The following ZBTB47 variants were observed in gnomAD, a reference collection of about 807,000 sequenced individuals.
The protein encoded by ZBTB47 is zinc finger and BTB domain-containing protein 47.
ZBTB47 carries 24 observed loss-of-function variants against 56.6 expected under a neutral mutation model. The ratio of observed to expected loss-of-function variants is 0.42; its 90% CI spans 0.31 to 0.60. ZBTB47 has a LOEUF of 0.60. ZBTB47 is among the 20% of genes least tolerant of loss of function. The pLI is 0.14. For missense variants in ZBTB47, 829 were observed against 1,032.6 expected (o/e 0.80, Z 2.70); for synonymous variants, 414 against 418.9 (o/e 0.99, Z 0.14).
At chr3:42,661,720 G>A in intron 3 of ZBTB47, 88 bp downstream of exon 3, 3 of 1,529,216 alleles carry the variant, frequency 2.0e-6, no homozygotes, top group Non-Finnish European at 2.7e-6. Flanking sequence ...ACATCCAAGG[G>A]CAATGTGAAG....
Position 42,663,081 on chromosome 3 carries a change from A to T in ZBTB47, c.1691A>T (p.Lys564Met). ...GKSFKRSMSL[K>M]VHSLQHSGEK... ...TCCTTCAAGCGCAGCATGTCCCTCA[A>T]GGTGCACTCACTGCAGCACTCAGGG... Residue 564 changes from lysine (K) to methionine (M), a missense_variant, in exon 4 of 6, where the codon AAG becomes ATG. Lys to Met is a moderately conservative substitution (Grantham distance 95). Transcript: ENST00000232974. The surrounding 1 kb of genome is among the most constrained non-coding windows in gnomAD (Gnocchi z 5.1). 1 of 1,613,912 alleles carries T rather than the reference A, an allele frequency of 6.2e-7. No homozygotes were observed.
Position 42,666,909 on chromosome 3 carries a change from C to A in ZBTB47, c.*2311C>A, listed in dbSNP as rs1710795216. Among the ~76,000 whole-genome samples the A allele has an allele frequency of 1.3e-5, 2 of 152,210 alleles. No homozygotes were observed. The highest frequency in any genetic ancestry group is 4.1e-4 in the South Asian group (2 of 4,832). ...CACAACCAACCCCTCTCCTGGGAGG[C>A]CCCTGCCCCACTGGGGATAGGAGCC... On this transcript the variant is annotated 3_prime_UTR_variant, in exon 6 of 6. Coordinates refer to ENST00000232974, the MANE Select transcript of ZBTB47 (RefSeq NM_145166.4).
intron 1 of ZBTB47, among the ~76,000 whole-genome samples, chr3:42,655,350 T>A (rs140136709): frequency 6.6e-6 from 1 of 152,070 alleles, no homozygotes. Context: ...TCCCCAGGTT[T>A]CATCATGGGG....
In ZBTB47 at chr3:42,667,103, C is replaced by CA. The variant is rs901901362; in HGVS notation, c.*2512dup. Reference sequence around the variant, plus strand: ...TCTTTTTATTTAAAACAAAACAACACAAAAAAACAATGTGCCCCCAGATGT... The same window carrying CA: ...TCTTTTTATTTAAAACAAAACAACACAAAAAAAACAATGTGCCCCCAGATGT... On this transcript the variant is annotated 3_prime_UTR_variant, in exon 6 of 6. Transcript: ENST00000232974. 7.2e-5 allele frequency among the ~76,000 whole-genome samples: 11 copies of CA among 152,148 alleles called. No individual in the cohort carries two copies. Among genetic ancestry groups the CA allele is most frequent in the Non-Finnish European group, 1.3e-4 (9 of 68,012 alleles).
Position 42,659,054 on chromosome 3 carries a change from G to A in ZBTB47, c.699G>A (p.Gln233=), listed in dbSNP as rs114198569. 2,023 of 1,523,074 alleles carry A rather than the reference G, an allele frequency of 1.3e-3. 24 individuals are homozygous for A. The African/African-American group carries it at 0.024, about 18-fold the overall frequency. The allele number at this position is 1,523,074 out of a possible 1,614,324, so 94.3% of individuals were successfully genotyped here. Residue 233 remains glutamine (Q), a synonymous_variant, in exon 2 of 6, where the codon CAG becomes CAA. Coordinates refer to ENST00000232974, the MANE Select transcript of ZBTB47 (RefSeq NM_145166.4). ...CCTACAGCCGCAGGGAGCAATCCCA[G>A]ATCATCGTGGAGGTGAACCTCAACA... The part of the protein sequence containing the change: ...SGTYSRREQS[Q]IIVEVNLNNQ...
chr3:42,664,428 G>C lies in ZBTB47; in HGVS notation c.2074G>C (p.Asp692His). 6.5e-7 allele frequency: 1 copy of C among 1,546,840 alleles called. No homozygotes were observed. The highest frequency in any genetic ancestry group is 8.7e-7 in the Non-Finnish European group (1 of 1,148,802). Residue 692 changes from aspartate (D) to histidine (H), a missense_variant, in exon 6 of 6, where the codon GAC (aspartate) becomes CAC (histidine). Coordinates refer to ENST00000232974, the MANE Select transcript of ZBTB47 (RefSeq NM_145166.4). Reference sequence around the variant, plus strand: ...CCGCGTCAGCCACACCCTGGCCGGCGACGGCGTCCCCGCTGCCCCAGGCCT... The same window carrying C: ...CCGCGTCAGCCACACCCTGGCCGGCCACGGCGTCCCCGCTGCCCCAGGCCT... ...CFRVSHTLAG[D>H]GVPAAPGLPP...
At chr3:42,658,221 G>A in intron 1 of ZBTB47, 54 bp from the exon 2 acceptor site, 1 of 1,431,524 alleles carries the variant, frequency 7.0e-7, no homozygotes, top group Non-Finnish European at 9.1e-7. Context: ...CTGGGGGAAG[G>A]GCGGGCAGGG....
chr3:42,658,369 A>AT lies in ZBTB47; in HGVS notation c.14_15insT (p.Glu6ArgfsTer8), dbSNP rs1710663516. On this transcript the variant is annotated frameshift_variant, in exon 2 of 6. Coordinates refer to ENST00000232974, the MANE Select transcript of ZBTB47 (RefSeq NM_145166.4). LOFTEE classifies it high-confidence loss of function. ...TTTGCCTGCTTGATGGGCCGCCTGA[A>AT]CGAGCAGCGCCTCTTCCAGCCTGAC... 1 of 1,533,936 alleles carries AT rather than the reference A, an allele frequency of 6.5e-7. No homozygotes were observed. Among genetic ancestry groups the AT allele is most frequent in the Admixed American group, 2.0e-5 (1 of 50,908 alleles).
rs1710616860 is a variant in ZBTB47 at position 42,654,773 on chromosome 3, C to T, written c.-82+890C>T. ...ACCTCCCAGGCACACGGCCCGCGGG[C>T]CCGGGTGGAGGGGCTGGAGGGATCT... On this transcript the variant is annotated intron_variant, in intron 1 of 5. Transcript: ENST00000232974. This position sits in a 1 kb window ranked among gnomAD's most constrained non-coding sequence, Gnocchi z 5.0. 2.1e-6 allele frequency: 2 copies of T among 953,850 alleles called. No individual in the cohort carries two copies. Among genetic ancestry groups the T allele is most frequent in the Non-Finnish European group, 2.5e-6 (2 of 801,122 alleles). The allele number at this position is 953,850 out of a possible 1,614,324, so 59.1% of individuals were successfully genotyped here.
rs982393585 is a variant in ZBTB47 at position 42,667,513 on chromosome 3, C to G, written c.*2915C>G. ...GCTCGTGTACAGGCACCCCACAGCCCCAGAGCATGGGGCACAGCAGGCATG... is the reference window on the plus strand; with the variant it reads ...GCTCGTGTACAGGCACCCCACAGCCGCAGAGCATGGGGCACAGCAGGCATG... On this transcript the variant is annotated 3_prime_UTR_variant, in exon 6 of 6. Coordinates refer to ENST00000232974, the MANE Select transcript of ZBTB47 (RefSeq NM_145166.4). Among the ~76,000 whole-genome samples, 3 of 152,210 alleles carry G rather than the reference C, an allele frequency of 2.0e-5. No individual in the cohort carries two copies. The highest frequency in any genetic ancestry group is 4.8e-5 in the African/African-American group (2 of 41,454).
At chr3:42,659,961 A>G (rs1459745372) in intron 2 of ZBTB47, 133 bp downstream of exon 2, 19 of 1,329,482 alleles carry the variant, frequency 1.4e-5, no homozygotes, top group Non-Finnish European at 3.0e-6. Context: ...TAGCCCCCAG[A>G]CAGGCTGGCC....
rs1387272547 is a variant in ZBTB47 at position 42,664,439 on chromosome 3, C to T, written c.2085C>T (p.Pro695=). The T allele has an allele frequency of 2.4e-5, 37 of 1,534,088 alleles. No individual in the cohort carries two copies. In the Admixed American group the frequency reaches 7.1e-4, roughly 29 times the overall value. Residue 695 remains proline, a synonymous_variant, in exon 6 of 6, where the codon CCC becomes CCT. Coordinates refer to ENST00000232974, the MANE Select transcript of ZBTB47 (RefSeq NM_145166.4). ...ACACCCTGGCCGGCGACGGCGTCCC[C>T]GCTGCCCCAGGCCTGCCCCCAACCC... ...VSHTLAGDGV[P]AAPGLPPTQP...
intron 1 of ZBTB47, among the ~76,000 whole-genome samples, chr3:42,658,056 A>C (rs1176979532): frequency 6.6e-6 from 1 of 152,166 alleles, no homozygotes; most frequent in Non-Finnish European, 1.5e-5. Context: ...ACAGGACCTG[A>C]TCTTCAGCCT....
Position 42,666,357 on chromosome 3 carries a change from G to C in ZBTB47, c.*1759G>C, listed in dbSNP as rs1710788810. Among the ~76,000 whole-genome samples, 1 of 152,130 alleles carries C rather than the reference G, an allele frequency of 6.6e-6. No individual in the cohort carries two copies. The highest frequency in any genetic ancestry group is 1.5e-5 in the Non-Finnish European group (1 of 68,038). On this transcript the variant is annotated 3_prime_UTR_variant, in exon 6 of 6. Coordinates refer to ENST00000232974, the MANE Select transcript of ZBTB47 (RefSeq NM_145166.4). ...CCCTCCCCGAGGAAGAAGGCTTCTG[G>C]TCAGGACCCCCACCCCAAGGCTGGG...
Position 42,659,639 on chromosome 3 carries a change from G to A in ZBTB47, c.1284G>A (p.Val428=), listed in dbSNP as rs1426949226. Residue 428 remains valine, a synonymous_variant, in exon 2 of 6, where the codon GTG becomes GTA. Coordinates refer to ENST00000232974, the MANE Select transcript of ZBTB47 (RefSeq NM_145166.4). ...PPATDGLGAK[V]KLEEKQHHPC... ...CCACTGATGGGCTGGGGGCCAAGGT[G>A]AAGCTGGAGGAGAAGCAGCACCATC... 1 of 1,611,714 alleles carries A rather than the reference G, an allele frequency of 6.2e-7. No homozygotes were observed. The highest frequency in any genetic ancestry group is 8.5e-7 in the Non-Finnish European group (1 of 1,179,092).
chr3:42,660,977 G>A (rs1014000338), intron 2 of ZBTB47, among the ~76,000 whole-genome samples: 1 of 152,148 alleles, frequency 6.6e-6, no homozygotes, highest in African/African-American at 2.4e-5. Flanking sequence ...TGCCTGATGG[G>A]ACCTTGAGCC....
chr3:42,663,241 A>C lies in ZBTB47; in HGVS notation c.1737+114A>C. On this transcript the variant is annotated intron_variant, in intron 4 of 5. Coordinates refer to ENST00000232974, the MANE Select transcript of ZBTB47 (RefSeq NM_145166.4). This position sits in a 1 kb window ranked among gnomAD's most constrained non-coding sequence, Gnocchi z 5.1. ...TAGGGGGTGGAATGTAGTGTCCAGAAAGAGAGAGCCCTGCCCTCTGAGGTC... is the reference window on the plus strand; with the variant it reads ...TAGGGGGTGGAATGTAGTGTCCAGACAGAGAGAGCCCTGCCCTCTGAGGTC... The C allele has an allele frequency of 1.3e-6, 1 of 770,906 alleles. No homozygotes were observed. The highest frequency in any genetic ancestry group is 2.2e-6 in the Non-Finnish European group (1 of 454,578). The allele number at this position is 770,906 out of a possible 1,614,324, so 47.8% of individuals were successfully genotyped here.
Position 42,665,035 on chromosome 3 carries a change from T to TGTC in ZBTB47, c.*438_*440dup, listed in dbSNP as rs1710771454. 6.4e-6 allele frequency: 1 copy of TGTC among 156,974 alleles called. No homozygotes were observed. The allele number at this position is 156,974 out of a possible 1,614,324, so 9.7% of individuals were successfully genotyped here. On this transcript the variant is annotated 3_prime_UTR_variant, in exon 6 of 6. Transcript: ENST00000232974. ...GGTCAGCCTCAGCAGCCTATCCCCA[T>TGTC]GTCCTCTATGCCCCTAATTTGCTTC...
rs886972892 is a variant in ZBTB47 at position 42,666,178 on chromosome 3, C to T, written c.*1580C>T. Among the ~76,000 whole-genome samples the T allele has an allele frequency of 5.3e-5, 8 of 152,310 alleles. No homozygotes were observed. The East Asian group carries it at 7.7e-4, about 15-fold the overall frequency. ...CAGATTTGGGCAGGCCCAAGGTGCCCGAGTGATCTGAGGATTTATAATCCA... is the reference window on the plus strand; with the variant it reads ...CAGATTTGGGCAGGCCCAAGGTGCCTGAGTGATCTGAGGATTTATAATCCA... On this transcript the variant is annotated 3_prime_UTR_variant, in exon 6 of 6. Transcript: ENST00000232974.
Sources: gnomAD v4.1 joint callset for allele counts (sites outside exome capture counted in the v4.1 genomes callset) on GRCh38, gnomAD v4.1.1 for gene constraint, Gnocchi (gnomAD v3.1) non-coding constraint, MANE v1.5 for transcripts, NCBI Gene and HGNC (gene_info 2026-07-23, HGNC 2026-07-21) for gene names.